Variants in GRIPAP1 observed in about 807,000 individuals in gnomAD.
GRIPAP1 encodes the protein GRIP1 associated protein 1.
In GRIPAP1, 14 loss-of-function variants were observed where a neutral mutation model predicts 84.1. The ratio of observed to expected loss-of-function variants is 0.17; its 90% CI spans 0.11 to 0.26. GRIPAP1 has a LOEUF of 0.26. Ranked by LOEUF, GRIPAP1 falls within the 10% of genes least tolerant of loss-of-function variation. GRIPAP1 has a pLI of 1.00. For missense variants in GRIPAP1, 518 were observed against 674.2 expected (o/e 0.77, Z 2.57); for synonymous variants, 261 against 256.8 (o/e 1.02, Z -0.15).
At chrX:48,999,085 A>G (rs782806268) in intron 3 of GRIPAP1, 153 bp downstream of exon 3, 74 of 386,437 alleles carry the variant, frequency 1.9e-4, no homozygotes, top group Non-Finnish European at 3.1e-4. Context: ...GCAACTAAAG[A>G]GAATTCCATT....
At chrX:48,996,876 A>C (rs1557066864) in intron 5 of GRIPAP1, among the ~76,000 whole-genome samples, 1 of 111,537 alleles carries the variant, frequency 9.0e-6, no homozygotes, top group Non-Finnish European at 1.9e-5. Context: ...GAAGAGAAGA[A>C]AGAGAAAAGG....
At position 49,002,170 on chromosome X, in the gene GRIPAP1, TC is replaced by T; in HGVS notation, c.42+17del. On this transcript the variant is annotated intron_variant, in intron 1 of 25. Coordinates refer to ENST00000376423, the MANE Select transcript of GRIPAP1 (RefSeq NM_020137.5). ...CCCGGTCGCCTAGCCGGGTGGTCTT[TC>T]CCACCGCGAGCGGCACCTGCATCCG... 1.7e-6 allele frequency: 2 copies of T among 1,145,533 alleles called. No homozygotes were observed. Among genetic ancestry groups the T allele is most frequent in the Non-Finnish European group, 2.4e-6 (2 of 840,706 alleles). 94.4% of individuals were successfully genotyped at this position (1,145,533 alleles called of 1,213,427 possible).
intron 4 of GRIPAP1, among the ~76,000 whole-genome samples, chrX:48,997,695 G>A (rs917459022): frequency 1.5e-4 from 16 of 108,780 alleles, no homozygotes; most frequent in African/African-American, 2.7e-4. Context: ...GAAAAAGACG[G>A]AGAGAAGAAC....
chrX:48,991,229 T>C (rs1557065463), intron 6 of GRIPAP1, 119 bp from the exon 7 acceptor site: 2 of 519,808 alleles, frequency 3.8e-6, no homozygotes. Context: ...CTGTGCCAAA[T>C]GACCACATGC....
chrX:48,981,175 C>T (rs1557061982), intron 21 of GRIPAP1, 40 bp downstream of exon 21: 2 of 1,073,420 alleles, frequency 1.9e-6, no homozygotes, highest in East Asian at 3.1e-5. Context: ...GCCCTACCTC[C>T]CCCATGCCTC....
Position 48,983,237 on chromosome X carries a change from C to T in GRIPAP1, c.1476G>A (p.Arg492=). 2 of 1,209,880 alleles carry T rather than the reference C, an allele frequency of 1.7e-6. No homozygotes were observed. Among genetic ancestry groups the T allele is most frequent in the South Asian group, 3.5e-5 (2 of 56,978 alleles). The change falls in exon 16 of 26, where the codon CGG becomes CGA. Residue 492 remains arginine, a synonymous_variant. Transcript: ENST00000376423. ...TCATCTACCCACCCACCTTCTCCTC[C>T]CGGATCTGCCCACGGAGCTCCTCCT... ...RQEEELRGQI[R]EEKARTRELE...
At chrX:48,987,152 T>C (rs2064494020) in intron 13 of GRIPAP1, among the ~76,000 whole-genome samples, 1 of 100,931 alleles carries the variant, frequency 9.9e-6, no homozygotes, top group Non-Finnish European at 2.0e-5. Flanking sequence ...CCGGCTTTTT[T>C]TTTTTTTTTT....
At position 48,981,275 on chromosome X, in the gene GRIPAP1, G is replaced by T. The variant is rs368055066; in HGVS notation, c.1870C>A (p.Arg624=). The T allele has an allele frequency of 6.4e-5, 77 of 1,209,449 alleles. No homozygotes were observed. Among genetic ancestry groups the T allele is most frequent in the Non-Finnish European group, 7.9e-5 (71 of 894,625 alleles). The change falls in exon 21 of 26, where the codon CGG becomes AGG. Residue 624 remains arginine (R), a synonymous_variant. Coordinates refer to ENST00000376423, the MANE Select transcript of GRIPAP1 (RefSeq NM_020137.5). Reference sequence around the variant, plus strand: ...AGTCGCTCCTGCAGCTTATCTGCCCGTTTCCGCTCCAAATGCAGCTGCCGC... The same window carrying T: ...AGTCGCTCCTGCAGCTTATCTGCCCTTTTCCGCTCCAAATGCAGCTGCCGC... ...LKRQLHLERK[R]ADKLQERLQD... is the part of the protein sequence containing the mutation.
At chrX:48,982,929 C>T in intron 17 of GRIPAP1, 50 bp downstream of exon 17, 1 of 813,286 alleles carries the variant, frequency 1.2e-6, no homozygotes, top group Non-Finnish European at 1.9e-6. Context: ...TGTGGTTTGA[C>T]ATGAGGGCCC....
At chrX:48,988,438 C>T in intron 11 of GRIPAP1, 2 of 398,724 alleles carry the variant, frequency 5.0e-6, no homozygotes, top group Non-Finnish European at 8.8e-6. Context: ...ACTCCTGGCC[C>T]TAGCTGCTAC....
rs1225489877 is a variant in GRIPAP1, at chrX:48,988,180, C to T, written c.889G>A (p.Asp297Asn). The change falls in exon 12 of 26, where the codon GAT becomes AAT. Residue 297 changes from aspartate (D) to asparagine (N), a missense_variant. This residue lies in a region of GRIPAP1 where 372 missense variants were observed against 458.1 expected (regional missense o/e 0.81). Transcript: ENST00000376423. ...AANQSLAELR[D>N]QRQGERLEHA... Reference sequence around the variant, plus strand: ...TCCAGGCGCTCCCCCTGCCGCTGATCTCTCAGCTCTGCCAAGCTCTGTGGA... The same window carrying T: ...TCCAGGCGCTCCCCCTGCCGCTGATTTCTCAGCTCTGCCAAGCTCTGTGGA... The T allele has an allele frequency of 8.4e-7, 1 of 1,196,369 alleles. No homozygotes were observed. Among genetic ancestry groups the T allele is most frequent in the African/African-American group, 1.7e-5 (1 of 57,448 alleles).
intron 1 of GRIPAP1, among the ~76,000 whole-genome samples, chrX:49,001,463 C>G (rs1211487266): frequency 3.7e-5 from 4 of 108,666 alleles, no homozygotes; most frequent in Non-Finnish European, 7.7e-5. Flanking sequence ...GTGGGGGTAC[C>G]TCCCCAAAGC....
At chrX:48,984,357 G>T (rs991529000) in intron 14 of GRIPAP1, among the ~76,000 whole-genome samples, 14 of 111,221 alleles carry the variant, frequency 1.3e-4, no homozygotes, top group Non-Finnish European at 1.7e-4. Context: ...TGACTGGAAA[G>T]CCATCATTCC....
Position 48,989,998 on chromosome X carries a change from G to A in GRIPAP1, c.696C>T (p.Ser232=), listed in dbSNP as rs201866816. Residue 232 remains serine (S), a synonymous_variant, in exon 9 of 26, where the codon TCC becomes TCT. Coordinates refer to ENST00000376423, the MANE Select transcript of GRIPAP1 (RefSeq NM_020137.5). ...SRLQEELAKL[S]EKLKKKQESF... is the part of the protein sequence containing the mutation. Reference sequence around the variant, plus strand: ...TTTCTTGTTTCTTTTTCAGTTTCTCGGAGAGCTGGGGAGAGAGGTACAGAC... The same window carrying A: ...TTTCTTGTTTCTTTTTCAGTTTCTCAGAGAGCTGGGGAGAGAGGTACAGAC... 188 of 1,178,759 alleles carry A rather than the reference G, an allele frequency of 1.6e-4. 1 individual carries two copies. In the South Asian group the frequency reaches 2.9e-3, roughly 18 times the overall value.
intron 25 of GRIPAP1, 95 bp downstream of exon 25, chrX:48,975,060 G>T: frequency 1.2e-6 from 1 of 831,914 alleles, no homozygotes. Flanking sequence ...GGCTGGGTGG[G>T]TGGGCAAGGG....
intron 1 of GRIPAP1, 28 bp from the exon 2 acceptor site, chrX:48,999,532 C>G: frequency 8.9e-7 from 1 of 1,129,147 alleles, no homozygotes; most frequent in Non-Finnish European, 1.2e-6. Context: ...AGGGAAAAGA[C>G]TTGGTCAGGA....
intron 5 of GRIPAP1, among the ~76,000 whole-genome samples, 199 bp from the exon 6 acceptor site, chrX:48,993,777 G>A (rs1185186331): frequency 1.8e-5 from 2 of 112,089 alleles, no homozygotes; most frequent in African/African-American, 3.2e-5. Flanking sequence ...CATCTTTTAA[G>A]TGGCAGAGTC....
intron 13 of GRIPAP1, among the ~76,000 whole-genome samples, chrX:48,986,243 C>CAAAA (rs782307501): frequency 1.2e-5 from 1 of 81,942 alleles, no homozygotes. Flanking sequence ...ACTCCGTCTA[C>CAAAA]AAAAAAAAAA....
intron 14 of GRIPAP1, among the ~76,000 whole-genome samples, chrX:48,984,978 C>T (rs186483815): frequency 2.0e-3 from 226 of 110,530 alleles, no homozygotes; most frequent in South Asian, 5.7e-3. Flanking sequence ...GCCGAGATCA[C>T]GCCACTGCAC....
Sources: gnomAD v4.1 joint callset for allele counts (sites outside exome capture counted in the v4.1 genomes callset) on GRCh38, gnomAD v4.1.1 for gene constraint, gnomAD v4.1.1 regional missense constraint, MANE v1.5 for transcripts, NCBI Gene and HGNC (gene_info 2026-07-23, HGNC 2026-07-21) for gene names.